RAC2: variants seen among roughly 807,000 people sequenced by gnomAD.
The protein encoded by RAC2 is ras-related C3 botulinum toxin substrate 2.
In RAC2, 1 loss-of-function variant was observed where a neutral mutation model predicts 24.0. The ratio of observed to expected loss-of-function variants is 0.04; its 90% confidence interval spans 0.01 to 0.20. The LOEUF is 0.20. RAC2 is among the 10% of genes least tolerant of loss of function. RAC2 has a pLI of 1.00. For missense variants in RAC2, 130 were observed against 259.1 expected (o/e 0.50, Z 3.42); for synonymous variants, 114 against 106.8 (o/e 1.07, Z -0.41).
At position 37,244,246 on chromosome 22, in the gene RAC2, G is replaced by A; in HGVS notation, c.-98C>T. ...TGGAGGCTGGTGAGGCGCCTGCTGA[G>A]GAGCAGCGGTGGTGGGGCAGGAGGA... On this transcript the variant is annotated 5_prime_UTR_variant, in exon 1 of 7. Coordinates refer to ENST00000249071, the MANE Select transcript of RAC2 (RefSeq NM_002872.5). 7.2e-7 allele frequency: 1 copy of A among 1,385,064 alleles called. No individual in the cohort carries two copies. Among genetic ancestry groups the A allele is most frequent in the Non-Finnish European group, 1.0e-6 (1 of 991,422 alleles). 85.8% of individuals were successfully genotyped at this position (1,385,064 alleles called of 1,614,324 possible).
intron 2 of RAC2, among the ~76,000 whole-genome samples, chr22:37,233,306 G>A (rs1260039327): frequency 6.6e-6 from 1 of 151,902 alleles, no homozygotes; most frequent in East Asian, 1.9e-4. Flanking sequence ...TTTTTGAAAT[G>A]GAATCACGCT....
At chr22:37,240,894 C>T (rs1927367339) in intron 2 of RAC2, 3 of 636,612 alleles carry the variant, frequency 4.7e-6, no homozygotes, top group Middle Eastern at 5.8e-4. Flanking sequence ...TTGTGGCGAA[C>T]AGTAGGGTCC....
intron 6 of RAC2, among the ~76,000 whole-genome samples, chr22:37,226,389 G>A (rs1048613989): frequency 6.6e-6 from 1 of 152,006 alleles, no homozygotes; most frequent in Non-Finnish European, 1.5e-5. Flanking sequence ...ATCACCTCCT[G>A]CAGGAATGGG....
chr22:37,231,170 A>G lies in RAC2; in HGVS notation c.448+61T>C. On this transcript the variant is annotated intron_variant, in intron 5 of 6. Transcript: ENST00000249071. The surrounding 1 kb of genome is among the most constrained non-coding windows in gnomAD (Gnocchi z 5.5). ...TGCAGCCCGTGTTTACAATCACACC[A>G]CGAGGCCAAGTCAGGGCCTCCCCTG... 6.3e-7 allele frequency: 1 copy of G among 1,592,314 alleles called. No individual in the cohort carries two copies.
chr22:37,236,858 G>T (rs1362181106), intron 2 of RAC2, among the ~76,000 whole-genome samples: 2 of 152,172 alleles, frequency 1.3e-5, no homozygotes, highest in African/African-American at 4.8e-5. Context: ...CCAGCAAGGG[G>T]CCAAGCCAGG....
At chr22:37,232,069 G>A (rs1927082846) in intron 3 of RAC2, 75 bp from the exon 4 acceptor site, 1 of 1,469,030 alleles carries the variant, frequency 6.8e-7, no homozygotes, top group Admixed American at 2.0e-5. Flanking sequence ...CCGAGAGGTG[G>A]AGCTTGGGGC....
chr22:37,230,181 C>T (rs1927013590), intron 5 of RAC2, among the ~76,000 whole-genome samples: 1 of 150,928 alleles, frequency 6.6e-6, no homozygotes, highest in South Asian at 2.1e-4. Context: ...ACGCTAGTCA[C>T]AGAAGGAGGG....
chr22:37,233,427 C>T (rs577455866), intron 2 of RAC2, among the ~76,000 whole-genome samples: 1 of 152,282 alleles, frequency 6.6e-6, no homozygotes, highest in East Asian at 1.9e-4. Flanking sequence ...GGATTACAGG[C>T]ATGCACCACC....
At chr22:37,241,262 T>A in intron 2 of RAC2, 1 of 709,052 alleles carries the variant, frequency 1.4e-6, no homozygotes, top group East Asian at 2.5e-5. Context: ...TCCAGCAGCC[T>A]GCTTCCGCAG....
At chr22:37,230,741 C>A (rs1484756177) in intron 5 of RAC2, among the ~76,000 whole-genome samples, 3 of 152,088 alleles carry the variant, frequency 2.0e-5, no homozygotes, top group African/African-American at 7.2e-5. Context: ...GGAAATGTGT[C>A]ACCCTTTAGA....
Position 37,231,131 on chromosome 22 carries a change from G to T in RAC2, c.448+100C>A. 1.4e-6 allele frequency: 2 copies of T among 1,436,734 alleles called. No homozygotes were observed. The highest frequency in any genetic ancestry group is 1.9e-6 in the Non-Finnish European group (2 of 1,028,188). 89.0% of individuals were successfully genotyped at this position (1,436,734 alleles called of 1,614,324 possible). On this transcript the variant is annotated intron_variant, in intron 5 of 6. Coordinates refer to ENST00000249071, the MANE Select transcript of RAC2 (RefSeq NM_002872.5). This position sits in a 1 kb window ranked among gnomAD's most constrained non-coding sequence, Gnocchi z 5.5. ...TGCACAGCACAGCTGAGTTCAAACT[G>T]CACAGCCTGGCCCTGCAGCCCGTGT...
At chr22:37,236,717 G>A (rs373519826) in intron 2 of RAC2, among the ~76,000 whole-genome samples, 2 of 152,260 alleles carry the variant, frequency 1.3e-5, no homozygotes, top group East Asian at 3.9e-4. Context: ...CCACCCCCAC[G>A]GAGGAAGGAT....
chr22:37,241,785 C>T (rs1927403258), intron 1 of RAC2, 127 bp from the exon 2 acceptor site: 1 of 808,168 alleles, frequency 1.2e-6, no homozygotes, highest in Admixed American at 1.9e-5. Flanking sequence ...CTCCGTCTCC[C>T]CATGTGAGAT....
chr22:37,242,584 C>T (rs2145831940), intron 1 of RAC2, among the ~76,000 whole-genome samples: 1 of 152,312 alleles, frequency 6.6e-6, no homozygotes, highest in Non-Finnish European at 1.5e-5. Context: ...GAGAAGACAG[C>T]TCATCCTCTC....
chr22:37,241,989 G>A (rs951556903), intron 1 of RAC2, among the ~76,000 whole-genome samples: 2 of 152,212 alleles, frequency 1.3e-5, no homozygotes, highest in South Asian at 2.1e-4. Flanking sequence ...AGGCAATGCC[G>A]AGGGGCCCCC....
chr22:37,232,544 A>C (rs1276137124), intron 3 of RAC2: 6 of 531,212 alleles, frequency 1.1e-5, no homozygotes, highest in Admixed American at 6.2e-5. Context: ...CCACCACTGG[A>C]AACAGGGGGT....
intron 3 of RAC2, chr22:37,232,368 A>G (rs1927091902): frequency 2.4e-6 from 1 of 425,446 alleles, no homozygotes; most frequent in Non-Finnish European, 4.4e-6. Flanking sequence ...TCCATATACT[A>G]TCCACCATCT....
At chr22:37,233,781 T>C (rs1927145329) in intron 2 of RAC2, among the ~76,000 whole-genome samples, 1 of 152,238 alleles carries the variant, frequency 6.6e-6, no homozygotes, top group South Asian at 2.1e-4. Context: ...TGTGGACTGC[T>C]GCTGCTCTCA....
intron 3 of RAC2, chr22:37,232,487 C>T (rs925885638): frequency 2.8e-5 from 13 of 468,488 alleles, no homozygotes; most frequent in Admixed American, 6.8e-5. Flanking sequence ...TCCCAGGGCT[C>T]ACCATGCTGG....
Sources: allele counts gnomAD v4.1 joint callset (sites outside exome capture counted in the v4.1 genomes callset), GRCh38; gene constraint gnomAD v4.1.1; non-coding constraint Gnocchi (gnomAD v3.1); transcripts MANE v1.5; gene names NCBI Gene and HGNC (gene_info 2026-07-23, HGNC 2026-07-21).